Variants in COL24A1 observed in about 807,000 individuals in gnomAD.
COL24A1 encodes collagen type XXIV alpha 1 chain, also known as collagen alpha-1(XXIV) chain.
Under a neutral mutation model 253.9 loss-of-function variants are expected in COL24A1, and 224 were observed. The observed-to-expected ratio is 0.88, with a 90% CI of 0.79 to 0.99. COL24A1 has a LOEUF of 0.99. COL24A1 is among the 50% of genes least tolerant of loss of function. COL24A1 has a pLI of 0.00. For missense variants in COL24A1, 2,131 were observed against 2,068.5 expected, an observed-to-expected ratio of 1.03 and a Z score of -0.59; for synonymous variants, 685 against 673.7, an observed-to-expected ratio of 1.02 and a Z score of -0.26.
intron 7 of COL24A1, among the ~76,000 whole-genome samples, chr1:86,064,126 G>C (rs558353942): frequency 6.6e-6 from 1 of 152,156 alleles, no homozygotes; most frequent in Non-Finnish European, 1.5e-5. Context: ...GTTAGTTTTA[G>C]TTGAATAGTG....
intron 31 of COL24A1, among the ~76,000 whole-genome samples, chr1:85,894,829 A>G (rs1683488252): frequency 6.6e-6 from 1 of 152,150 alleles, no homozygotes; most frequent in Admixed American, 6.5e-5. Context: ...TGTTAAATAC[A>G]ATGTTATTGT....
rs1472532215 is a variant in COL24A1 at position 85,744,782 on chromosome 1, T to C, written c.4556A>G (p.Lys1519Arg). ...TLIDHSEEIF[K>R]TLNYLSNLLH... Reference sequence around the variant, plus strand: ...TAAATTGCTAAGGTAGTTCAGGGTTTTGAATATCTCTTCACTGTGGTCAAT... The same window carrying C: ...TAAATTGCTAAGGTAGTTCAGGGTTCTGAATATCTCTTCACTGTGGTCAAT... The change falls in exon 57 of 60, where the codon AAA (lysine) becomes AGA (arginine). Residue 1519 changes from lysine to arginine, a missense_variant. By Grantham distance (26) the Lys-to-Arg change is conservative. Transcript: ENST00000370571. 13 of 1,611,068 alleles carry C rather than the reference T, an allele frequency of 8.1e-6. No individual in the cohort carries two copies. The highest frequency in any genetic ancestry group is 1.0e-5 in the Non-Finnish European group (12 of 1,179,016).
chr1:86,021,343 A>G (rs1441012344), intron 18 of COL24A1, among the ~76,000 whole-genome samples: 1 of 152,102 alleles, frequency 6.6e-6, no homozygotes, highest in East Asian at 1.9e-4. Context: ...GTTGTAATCA[A>G]TATTAAACTC....
intron 58 of COL24A1, chr1:85,736,333 C>T (rs1481200): frequency 0.94 from 427,918 of 456,122 alleles, 201,714 homozygotes; most frequent in Non-Finnish European, 0.97. Context: ...GTCATGGAAA[C>T]AACTAGAGTC....
intron 24 of COL24A1, among the ~76,000 whole-genome samples, chr1:85,944,843 G>T (rs552421657): frequency 1.4e-4 from 21 of 151,248 alleles, no homozygotes; most frequent in Non-Finnish European, 2.5e-4. Flanking sequence ...GTGAGAATAT[G>T]CAGTGTTTGG....
chr1:86,043,740 A>C (rs1699681525), intron 12 of COL24A1, among the ~76,000 whole-genome samples: 2 of 151,944 alleles, frequency 1.3e-5, no homozygotes, highest in Non-Finnish European at 2.9e-5. Context: ...GTTGGCCAAG[A>C]TGGTCTCGAT....
chr1:85,849,622 G>A (rs916070987), intron 37 of COL24A1, among the ~76,000 whole-genome samples: 1 of 152,008 alleles, frequency 6.6e-6, no homozygotes, highest in African/African-American at 2.4e-5. Context: ...GCACAAACTG[G>A]CCAAGAGAGT....
chr1:85,847,621 C>T, intron 39 of COL24A1, 44 bp downstream of exon 39: 2 of 1,406,770 alleles, frequency 1.4e-6, no homozygotes, highest in Non-Finnish European at 2.0e-6. Context: ...ACGTTTCTTT[C>T]CCATCCACAG....
intron 24 of COL24A1, among the ~76,000 whole-genome samples, chr1:85,956,313 G>A (rs577424286): frequency 1.4e-4 from 21 of 151,998 alleles, no homozygotes; most frequent in Non-Finnish European, 2.6e-4. Flanking sequence ...GAATGAATTC[G>A]TTATAACCCA....
intron 14 of COL24A1, among the ~76,000 whole-genome samples, chr1:86,023,373 T>C (rs1697735335): frequency 6.6e-6 from 1 of 152,202 alleles, no homozygotes; most frequent in Non-Finnish European, 1.5e-5. Context: ...AGATACTTCA[T>C]TTGATTGTCT....
intron 24 of COL24A1, among the ~76,000 whole-genome samples, chr1:85,954,628 TA>T (rs1446724093): frequency 6.6e-6 from 1 of 152,166 alleles, no homozygotes; most frequent in Non-Finnish European, 1.5e-5. Flanking sequence ...AAATGGTAGC[TA>T]TTTTTTTATC....
intron 24 of COL24A1, among the ~76,000 whole-genome samples, chr1:85,913,047 C>T (rs1185289074): frequency 6.6e-6 from 1 of 152,100 alleles, no homozygotes; most frequent in Non-Finnish European, 1.5e-5. Context: ...GTCTATTGGA[C>T]AGCCCTGATG....
At chr1:86,016,175 A>G (rs1696975554) in intron 19 of COL24A1, among the ~76,000 whole-genome samples, 1 of 151,574 alleles carries the variant, frequency 6.6e-6, no homozygotes, top group East Asian at 1.9e-4. Flanking sequence ...TGCTTTTTAG[A>G]TTTTTGAACT....
At chr1:85,769,492 A>G (rs1316523008) in intron 53 of COL24A1, among the ~76,000 whole-genome samples, 2 of 143,222 alleles carry the variant, frequency 1.4e-5, no homozygotes, top group East Asian at 4.7e-4. Context: ...CCAGGGTGGG[A>G]GTAGGGTGGG....
At chr1:85,812,234 GA>G (rs1672625580) in intron 47 of COL24A1, among the ~76,000 whole-genome samples, 1 of 152,174 alleles carries the variant, frequency 6.6e-6, no homozygotes. Flanking sequence ...AGCACGTCTG[GA>G]AAGCACAGAC....
chr1:86,088,130 A>G (rs142128102), intron 7 of COL24A1, among the ~76,000 whole-genome samples: 2 of 152,288 alleles, frequency 1.3e-5, no homozygotes, highest in African/African-American at 2.4e-5. Flanking sequence ...TCTTCTCCCA[A>G]ACTCCCTATG....
chr1:85,976,949 A>G (rs1045886126), intron 20 of COL24A1, among the ~76,000 whole-genome samples: 10 of 152,166 alleles, frequency 6.6e-5, no homozygotes, highest in Admixed American at 4.6e-4. Context: ...ATCTACAACC[A>G]AGGACTCTTA....
At chr1:85,959,777 A>C (rs147133817) in intron 24 of COL24A1, among the ~76,000 whole-genome samples, 87 of 152,284 alleles carry the variant, frequency 5.7e-4, no homozygotes, top group Middle Eastern at 3.4e-3. Flanking sequence ...AATTAGTCCA[A>C]AACTATTAAG....
At chr1:86,100,548 G>T (rs1704355909) in intron 5 of COL24A1, among the ~76,000 whole-genome samples, 1 of 151,872 alleles carries the variant, frequency 6.6e-6, no homozygotes, top group South Asian at 2.1e-4. Context: ...GAGTGATAGG[G>T]GTGTCTTTTG....
Sources: allele counts gnomAD v4.1 joint callset (sites outside exome capture counted in the v4.1 genomes callset), GRCh38; gene constraint gnomAD v4.1.1; transcripts MANE v1.5; gene names NCBI Gene and HGNC (gene_info 2026-07-23, HGNC 2026-07-21).